Variants in KLRD1 observed in about 807,000 individuals in gnomAD.
KLRD1 encodes killer cell lectin like receptor D1, also known as natural killer cells antigen CD94.
KLRD1 carries 21 observed loss-of-function variants against 22.6 expected under a neutral mutation model. That is an observed-to-expected ratio of 0.93 (90% CI 0.66 to 1.34). KLRD1 has a LOEUF of 1.34. Ranked by LOEUF, KLRD1 falls within the 40% of genes most tolerant of loss-of-function variation. The pLI, the probability that KLRD1 is intolerant of heterozygous loss-of-function variation, is 0.00. For synonymous variants in KLRD1, 59 were observed against 71.1 expected, an observed-to-expected ratio of 0.83 and a Z score of 0.85; for missense variants, 183 against 208.6, an observed-to-expected ratio of 0.88 and a Z score of 0.76.
At chr12:10,248,535 TTC>T (rs1949314246) in intron 1 of KLRD1, among the ~76,000 whole-genome samples, 2 of 65,304 alleles carry the variant, frequency 3.1e-5, no homozygotes, top group Non-Finnish European at 5.8e-5. Context: ...TTTCTTTTCC[TTC>T]CTTCCTTCCT....
At chr12:10,250,314 C>A (rs1156453002) in intron 1 of KLRD1, among the ~76,000 whole-genome samples, 3 of 149,450 alleles carry the variant, frequency 2.0e-5, no homozygotes, top group Admixed American at 6.7e-5. Context: ...AACATTTTAG[C>A]ATACCCAAAG....
rs1305806536 is a variant in KLRD1 at position 10,309,473 on chromosome 12, G to T, written c.93G>T (p.Leu31Phe). ...TGATGTCTACGTTGGGAATTTTGTT[G>T]AAAAATTGTAAGTTTTTCTAAGCAA... ...LSLMSTLGIL[L>F]KNSFTKLSIE... Residue 31 changes from leucine (L) to phenylalanine (F), a missense_variant, in exon 2 of 6, where the codon TTG becomes TTT. By Grantham distance (22) the Leu-to-Phe change is conservative. Transcript: ENST00000336164. The T allele has an allele frequency of 6.7e-7, 1 of 1,499,022 alleles. No individual in the cohort carries two copies. The highest frequency in any genetic ancestry group is 1.4e-5 in the African/African-American group (1 of 73,030). The allele number at this position is 1,499,022 out of a possible 1,614,324, so 92.9% of individuals were successfully genotyped here.
At chr12:10,281,793 G>A (rs1949646257) in intron 1 of KLRD1, among the ~76,000 whole-genome samples, 2 of 152,160 alleles carry the variant, frequency 1.3e-5, no homozygotes, top group Non-Finnish European at 1.5e-5. Context: ...ACTAAGAGAC[G>A]ATTATCTGAG....
intron 1 of KLRD1, among the ~76,000 whole-genome samples, chr12:10,239,416 C>A (rs1161094500): frequency 5.0e-4 from 27 of 53,876 alleles, no homozygotes; most frequent in African/African-American, 1.8e-3. Flanking sequence ...TTCCTTCCTT[C>A]TTTCCATCCT....
At chr12:10,253,320 A>G (rs1949362273) in intron 1 of KLRD1, among the ~76,000 whole-genome samples, 2 of 152,190 alleles carry the variant, frequency 1.3e-5, no homozygotes, top group South Asian at 4.1e-4. Context: ...TACTCCGTTC[A>G]TACACTTTTT....
chr12:10,252,014 C>T (rs1287095489), intron 1 of KLRD1, among the ~76,000 whole-genome samples: 2 of 152,192 alleles, frequency 1.3e-5, no homozygotes, highest in African/African-American at 4.8e-5. Context: ...TTACACATTT[C>T]TCCTGAATTC....
chr12:10,254,447 A>AC lies in KLRD1; in HGVS notation c.-101+28214_-101+28215insC, dbSNP rs1273493104. 2.0e-4 allele frequency among the ~76,000 whole-genome samples: 30 copies of AC among 151,516 alleles called. 1 individual carries two copies. Among genetic ancestry groups the AC allele is most frequent in the Non-Finnish European group, 1.8e-4 (12 of 67,802 alleles). ...ACTCCGTCTCAAAAAAAAAAAAAAA[A>AC]AAAAACCTATCAACAGAGTAAACAG... On this transcript the variant is annotated intron_variant, in intron 1 of 5. Transcript: ENST00000544747.
At chr12:10,278,335 A>G (rs1949609893) in intron 1 of KLRD1, among the ~76,000 whole-genome samples, 1 of 152,128 alleles carries the variant, frequency 6.6e-6, no homozygotes, top group Non-Finnish European at 1.5e-5. Flanking sequence ...TTTCCAAGCC[A>G]TTTACAGTCT....
upstream of KLRD1, among the ~76,000 whole-genome samples, chr12:10,305,994 C>A (rs1949918118): frequency 6.7e-6 from 1 of 149,948 alleles, no homozygotes. Flanking sequence ...AACCCCGTCT[C>A]TACTAAAAAA....
Position 10,307,977 on chromosome 12 carries a change from G to T in KLRD1, c.-101G>T. ...TAAATTTCTTCATACTCAACTTTCA[G>T]ATTCTTTAATCTCCAGCTCAGCTTC... is the stretch of plus-strand genomic sequence containing the variant. On this transcript the variant is annotated 5_prime_UTR_variant, in exon 1 of 6. Coordinates refer to ENST00000336164, the MANE Select transcript of KLRD1 (RefSeq NM_002262.5). 1.9e-6 allele frequency: 2 copies of T among 1,066,154 alleles called. No homozygotes were observed. The highest frequency in any genetic ancestry group is 2.8e-6 in the Non-Finnish European group (2 of 702,158). The allele number at this position is 1,066,154 out of a possible 1,614,324, so 66.0% of individuals were successfully genotyped here. A position where few individuals can be genotyped will look rare whatever the true frequency, so the allele number is the denominator to read the frequency against.
rs550135110 is a variant in KLRD1 at position 10,273,935 on chromosome 12, C to G, written c.-100-34043C>G. Among the ~76,000 whole-genome samples, 11 of 152,220 alleles carry G rather than the reference C, an allele frequency of 7.2e-5. No individual in the cohort carries two copies. In the South Asian group the frequency reaches 2.3e-3, roughly 32 times the overall value. The stretch of plus-strand genomic sequence containing the variant: ...GACATATCAACAGTAAAGGTAAACT[C>G]TGTAAATGTTCCAGGAAAAACAATT... On this transcript the variant is annotated intron_variant, in intron 1 of 5. Coordinates refer to the KLRD1 transcript ENST00000544747.
intron 4 of KLRD1, among the ~76,000 whole-genome samples, chr12:10,312,971 A>T (rs1300481949): frequency 6.6e-6 from 1 of 151,662 alleles, no homozygotes; most frequent in Admixed American, 6.6e-5. Flanking sequence ...TGGGCGACAG[A>T]GCAAGACTCC....
At chr12:10,284,235 CA>C (rs1949678166) in intron 1 of KLRD1, among the ~76,000 whole-genome samples, 1 of 152,056 alleles carries the variant, frequency 6.6e-6, no homozygotes, top group African/African-American at 2.4e-5. Context: ...GACTTGTTAA[CA>C]CAATATTCTG....
intron 1 of KLRD1, among the ~76,000 whole-genome samples, chr12:10,272,481 T>G (rs1159448424): frequency 2.6e-5 from 4 of 152,210 alleles, no homozygotes; most frequent in African/African-American, 9.6e-5. Flanking sequence ...TTTTTAATAT[T>G]ATTTTCTCAT....
At chr12:10,254,097 T>C (rs1220936061) in intron 1 of KLRD1, among the ~76,000 whole-genome samples, 3 of 151,966 alleles carry the variant, frequency 2.0e-5, no homozygotes, top group African/African-American at 7.3e-5. Flanking sequence ...ACAAGTGGGA[T>C]CTAATGAAAC....
rs151208983 is a variant in KLRD1, at chr12:10,314,326, A to C, written c.420-347A>C. The stretch of plus-strand genomic sequence containing the variant: ...ATAAACATGAGATTTGCAGCATCAC[A>C]CAGGGACAAAGTTTATGCTCTGGTT... On this transcript the variant is annotated intron_variant, in intron 5 of 5. Transcript: ENST00000336164. Among the ~76,000 whole-genome samples the C allele has an allele frequency of 5.2e-3, 799 of 152,320 alleles. 6 individuals are homozygous for C. Among genetic ancestry groups the C allele is most frequent in the African/African-American group, 0.018 (742 of 41,574 alleles).
chr12:10,322,555 C>A lies in KLRD1; in HGVS notation c.*7762C>A, dbSNP rs1159756103. 1 of 151,974 alleles carries A rather than the reference C, an allele frequency of 6.6e-6. No individual in the cohort carries two copies. Among genetic ancestry groups the A allele is most frequent in the Non-Finnish European group, 1.5e-5 (1 of 68,010 alleles). The allele number at this position is 151,974 out of a possible 1,614,324, so 9.4% of individuals were successfully genotyped here. ...GAAATATCCTCCCAAGAGCTCTTAC[C>A]CACCTGCTGTTGTTTGGACTGGCAC... is the stretch of plus-strand genomic sequence containing the variant. On this transcript the variant is annotated 3_prime_UTR_variant, in exon 6 of 6. Transcript: ENST00000336164.
At chr12:10,263,276 C>T (rs6488279) in intron 1 of KLRD1, among the ~76,000 whole-genome samples, 125,535 of 151,960 alleles carry the variant, frequency 0.83, 55,445 homozygotes, top group Non-Finnish European at 0.98. Flanking sequence ...AGGCTATGAA[C>T]TATTTATATG....
intron 1 of KLRD1, among the ~76,000 whole-genome samples, chr12:10,291,362 T>C (rs1237453258): frequency 6.6e-6 from 1 of 152,230 alleles, no homozygotes; most frequent in Non-Finnish European, 1.5e-5. Flanking sequence ...CTCTGTAGTC[T>C]ATGATGCTGT....
Sources: allele counts gnomAD v4.1 joint callset (sites outside exome capture counted in the v4.1 genomes callset), GRCh38; gene constraint gnomAD v4.1.1; transcripts MANE v1.5; gene names NCBI Gene and HGNC (gene_info 2026-07-23, HGNC 2026-07-21).